NYAP2: variants seen among roughly 807,000 people sequenced by gnomAD.
The protein encoded by NYAP2 is neuronal tyrosine-phosphorylated phosphoinositide-3-kinase adaptor 2, also known as neuronal tyrosine-phosphorylated phosphoinositide-3-kinase adapter 2.
A neutral mutation model predicts 50.4 loss-of-function variants in NYAP2; 23 were observed. That is an observed-to-expected ratio of 0.46 (90% CI 0.33 to 0.65). NYAP2 has a LOEUF of 0.65. Ranked by LOEUF, NYAP2 falls within the 30% of genes least tolerant of loss-of-function variation. The pLI is 0.02. For synonymous variants in NYAP2, 394 were observed against 365.2 expected (o/e 1.08, Z -0.90); for missense variants, 885 against 861.0 (o/e 1.03, Z -0.35).
chr2:225,703,340 C>T, the NYAP2 span: 1 of 151,602 alleles, frequency 6.6e-6, no homozygotes, highest in Non-Finnish European at 1.5e-5. Flanking sequence ...TTTCATAATT[C>T]ATTAGAAATG....
chr2:225,401,856 C>T (rs981615947), intron 2 of NYAP2, among the ~76,000 whole-genome samples: 5 of 151,472 alleles, frequency 3.3e-5, no homozygotes, highest in South Asian at 2.1e-4. Flanking sequence ...TAAATATAGC[C>T]GAAAAATAAT....
At chr2:225,400,819 G>A (rs1262628977) in exon 2 of NYAP2, 1 of 152,458 alleles carries the variant, frequency 6.6e-6, no homozygotes, top group East Asian at 1.9e-4. Context: ...AGGACATCGA[G>A]AATGCTCTGA....
intron 3 of NYAP2, among the ~76,000 whole-genome samples, chr2:225,498,763 A>G (rs1359079935): frequency 1.3e-5 from 2 of 152,190 alleles, no homozygotes; most frequent in African/African-American, 2.4e-5. Context: ...GTGTCTGTAT[A>G]TATAGGAAGT....
intron 5 of NYAP2, among the ~76,000 whole-genome samples, chr2:225,621,357 A>T (rs1056389966): frequency 3.9e-5 from 6 of 152,210 alleles, no homozygotes; most frequent in Admixed American, 1.3e-4. Context: ...TTGCCTTTAC[A>T]ATATTTTGAC....
intron 3 of NYAP2, among the ~76,000 whole-genome samples, chr2:225,446,788 A>G (rs572298687): frequency 1.3e-5 from 2 of 152,286 alleles, no homozygotes; most frequent in South Asian, 4.2e-4. Context: ...CACAAGGATG[A>G]CTACTGCGCC....
At chr2:225,420,907 T>C (rs1695205834) in intron 3 of NYAP2, among the ~76,000 whole-genome samples, 2 of 152,092 alleles carry the variant, frequency 1.3e-5, no homozygotes, top group Non-Finnish European at 2.9e-5. Flanking sequence ...CTACAGGGAT[T>C]CTTATTTTAT....
In NYAP2 at chr2:225,494,175, G is replaced by A. The variant is rs191778791; in HGVS notation, c.222-19196G>A. 1.4e-4 allele frequency among the ~76,000 whole-genome samples: 21 copies of A among 152,314 alleles called. No homozygotes were observed. The East Asian group carries it at 3.3e-3, about 24-fold the overall frequency. On this transcript the variant is annotated intron_variant, in intron 3 of 6. Transcript: ENST00000636099. ...GAAAAATATTTTATAAATCCAAGTT[G>A]ATGGGAACACTGCCAGTTCACCTAA...
chr2:225,668,955 G>GTT, the NYAP2 span, among the ~76,000 whole-genome samples: 1 of 75,304 alleles, frequency 1.3e-5, no homozygotes, highest in African/African-American at 5.5e-5. Flanking sequence ...GGTGTCCCCT[G>GTT]CTTTTTTTTT....
intron 4 of NYAP2, among the ~76,000 whole-genome samples, chr2:225,551,074 G>A (rs1304622843): frequency 2.6e-5 from 4 of 152,092 alleles, no homozygotes; most frequent in Non-Finnish European, 5.9e-5. Context: ...TTCCCATAAC[G>A]GGTCTTACTT....
intron 4 of NYAP2, among the ~76,000 whole-genome samples, chr2:225,565,110 G>A (rs975059105): frequency 2.7e-5 from 4 of 150,058 alleles, no homozygotes; most frequent in Non-Finnish European, 5.9e-5. Flanking sequence ...CAGACTGAGC[G>A]ACAGAGCAAC....
intron 5 of NYAP2, among the ~76,000 whole-genome samples, chr2:225,608,202 T>A (rs781547396): frequency 6.6e-6 from 1 of 152,210 alleles, no homozygotes; most frequent in Non-Finnish European, 1.5e-5. Context: ...CACTATTAAA[T>A]GTTTTATATT....
chr2:225,516,013 ACTCAGAATAC>A (rs1457535055), intron 4 of NYAP2, among the ~76,000 whole-genome samples: 19 of 152,146 alleles, frequency 1.2e-4, no homozygotes, highest in East Asian at 3.9e-4. Context: ...TGTAAAATAC[ACTCAGAATAC>A]CTCAGAATAC....
chr2:225,408,365 A>G (rs192470271), intron 2 of NYAP2, among the ~76,000 whole-genome samples: 27 of 152,180 alleles, frequency 1.8e-4, no homozygotes, highest in African/African-American at 6.5e-4. Flanking sequence ...TATATTTTGC[A>G]TACATAGTTC....
At chr2:225,598,728 A>AATATATAT (rs1692648408) in intron 5 of NYAP2, among the ~76,000 whole-genome samples, 2 of 152,356 alleles carry the variant, frequency 1.3e-5, no homozygotes, top group Admixed American at 6.5e-5. Context: ...TATATGTGAA[A>AATATATAT]GGCTATAGAC....
At position 225,408,991 on chromosome 2, in the gene NYAP2, G is replaced by T. The variant is rs1242208374; in HGVS notation, c.111G>T (p.Gln37His). 9 of 1,612,486 alleles carry T rather than the reference G, an allele frequency of 5.6e-6. No homozygotes were observed. In the South Asian group the frequency reaches 9.9e-5, roughly 18 times the overall value. ...AGGCCTATGATGGCTTGGTTATTCA[G>T]AATGCGTCAGATATTGCTCGAGAGA... The change falls in exon 3 of 7, where the codon CAG becomes CAT. Residue 37 changes from glutamine to histidine, a missense_variant. By Grantham distance (24) the Gln-to-His change is conservative (BLOSUM62 0). Transcript: ENST00000636099.
At chr2:225,447,136 T>G (rs936913590) in intron 3 of NYAP2, among the ~76,000 whole-genome samples, 2 of 152,122 alleles carry the variant, frequency 1.3e-5, no homozygotes, top group African/African-American at 4.8e-5. Flanking sequence ...AGTTGCAGGG[T>G]CTTCTGCCAG....
intron 6 of NYAP2, among the ~76,000 whole-genome samples, chr2:225,645,074 A>G (rs149675447): frequency 0.017 from 2,567 of 152,264 alleles, 71 homozygotes; most frequent in African/African-American, 0.059. Flanking sequence ...AGCTTGGCCA[A>G]CATGGTGAAA....
chr2:225,486,944 AGGAGAAC>A (rs1341152293), intron 3 of NYAP2, among the ~76,000 whole-genome samples: 1 of 152,226 alleles, frequency 6.6e-6, no homozygotes, highest in Admixed American at 6.5e-5. Flanking sequence ...CCAGTAGTGC[AGGAGAAC>A]ACCACTGGGA....
intron 3 of NYAP2, among the ~76,000 whole-genome samples, chr2:225,479,781 GT>G (rs1453783036): frequency 6.6e-6 from 1 of 152,006 alleles, no homozygotes; most frequent in Non-Finnish European, 1.5e-5. Flanking sequence ...TAGCTAAATT[GT>G]TAGGATAGGA....
Sources: allele counts gnomAD v4.1 joint callset (sites outside exome capture counted in the v4.1 genomes callset), GRCh38; gene constraint gnomAD v4.1.1; transcripts MANE v1.5; gene names NCBI Gene and HGNC (gene_info 2026-07-23, HGNC 2026-07-21).